Variants in HHAT observed in about 807,000 individuals in gnomAD.
HHAT encodes the protein hedgehog acyltransferase, also known as protein-cysteine N-palmitoyltransferase HHAT.
In HHAT, 47 loss-of-function variants were observed where a neutral mutation model predicts 70.8. The ratio of observed to expected loss-of-function variants is 0.66; its 90% CI spans 0.53 to 0.85. The LOEUF is 0.85. HHAT is among the 40% of genes least tolerant of loss of function. HHAT has a pLI of 0.00. For synonymous variants in HHAT, 228 were observed against 247.6 expected, an observed-to-expected ratio of 0.92 and a Z score of 0.74; for missense variants, 609 against 604.8, an observed-to-expected ratio of 1.01 and a Z score of -0.07.
At chr1:210,566,025 C>T (rs1654650170) in intron 9 of HHAT, among the ~76,000 whole-genome samples, 1 of 152,110 alleles carries the variant, frequency 6.6e-6, no homozygotes, top group Admixed American at 6.5e-5. Context: ...GAGTTTCTAC[C>T]AGATTTGAGT....
intron 1 of HHAT, among the ~76,000 whole-genome samples, chr1:210,338,184 T>TA (rs10718306): frequency 0.26 from 39,020 of 149,914 alleles, 5,460 homozygotes; most frequent in South Asian, 0.34. Context: ...CGCCCCCATT[T>TA]AAAAAAAAAA....
In HHAT at chr1:210,588,036, G is replaced by A; in HGVS notation, c.1182G>A (p.Leu394=). The A allele has an allele frequency of 1.2e-6, 2 of 1,613,854 alleles. No individual in the cohort carries two copies. Among genetic ancestry groups the A allele is most frequent in the Non-Finnish European group, 1.7e-6 (2 of 1,179,954 alleles). The part of the protein sequence containing the change: ...YLWCWAALNW[L]GVTVENGVRR... ...GGTGCTGGGCAGCGCTCAACTGGCTGGGAGTCACTGTGGAGAATGGAGTCC... is the reference window on the plus strand; with the variant it reads ...GGTGCTGGGCAGCGCTCAACTGGCTAGGAGTCACTGTGGAGAATGGAGTCC... The change falls in exon 10 of 12, where the codon CTG becomes CTA. Residue 394 remains leucine, a synonymous_variant. Transcript: ENST00000261458.
intron 10 of HHAT, among the ~76,000 whole-genome samples, chr1:210,617,793 A>G (rs1434497514): frequency 1.3e-5 from 2 of 152,226 alleles, no homozygotes; most frequent in Admixed American, 1.3e-4. Flanking sequence ...AGGAGTATGC[A>G]CACAGAGTTC....
chr1:210,672,730 C>T (rs1449342857), intron 11 of HHAT, among the ~76,000 whole-genome samples: 1 of 152,036 alleles, frequency 6.6e-6, no homozygotes, highest in Non-Finnish European at 1.5e-5. Flanking sequence ...AAATACTCAG[C>T]AGAAAGGGCT....
At chr1:210,451,753 A>T (rs764357980) in intron 7 of HHAT, among the ~76,000 whole-genome samples, 2 of 152,068 alleles carry the variant, frequency 1.3e-5, no homozygotes, top group African/African-American at 4.8e-5. Context: ...TAATTTTTAA[A>T]TTTTTTATAG....
At chr1:210,507,891 C>T (rs1572915642) in intron 8 of HHAT, among the ~76,000 whole-genome samples, 1 of 151,846 alleles carries the variant, frequency 6.6e-6, no homozygotes, top group East Asian at 1.9e-4. Flanking sequence ...TTTAATCATT[C>T]CACATTATGT....
intron 7 of HHAT, among the ~76,000 whole-genome samples, chr1:210,454,586 T>C: frequency 6.6e-6 from 1 of 152,160 alleles, no homozygotes; most frequent in East Asian, 1.9e-4. Context: ...CCACATTATT[T>C]CATTAAGTCT....
chr1:210,451,803 T>C (rs2093761485), intron 7 of HHAT, among the ~76,000 whole-genome samples: 1 of 152,208 alleles, frequency 6.6e-6, no homozygotes, highest in Non-Finnish European at 1.5e-5. Flanking sequence ...GGTCTCCAAC[T>C]CTTGGTCTCC....
At chr1:210,498,363 A>G (rs1244740760) in intron 8 of HHAT, among the ~76,000 whole-genome samples, 1 of 152,224 alleles carries the variant, frequency 6.6e-6, no homozygotes, top group African/African-American at 2.4e-5. Flanking sequence ...TTGAATTAAG[A>G]TTGATTTTTA....
intron 10 of HHAT, among the ~76,000 whole-genome samples, chr1:210,595,299 C>A (rs989839544): frequency 1.1e-4 from 16 of 152,160 alleles, no homozygotes; most frequent in Non-Finnish European, 4.4e-5. Flanking sequence ...ATGAACTCAT[C>A]ATTTTTTATG....
At chr1:210,499,876 A>G (rs2094720770) in intron 8 of HHAT, among the ~76,000 whole-genome samples, 1 of 152,220 alleles carries the variant, frequency 6.6e-6, no homozygotes, top group Non-Finnish European at 1.5e-5. Context: ...TTAAAGCTCC[A>G]ATATATCATG....
chr1:210,337,781 G>T (rs664614), intron 1 of HHAT, among the ~76,000 whole-genome samples: 96,012 of 152,026 alleles, frequency 0.63, 32,719 homozygotes, highest in African/African-American at 0.9. Flanking sequence ...AGGCAACATA[G>T]TCACGGTTCC....
At chr1:210,617,680 A>G (rs372518069) in intron 10 of HHAT, among the ~76,000 whole-genome samples, 2 of 152,226 alleles carry the variant, frequency 1.3e-5, no homozygotes, top group Non-Finnish European at 2.9e-5. Context: ...TGGCCTCTGC[A>G]GTTTTTAAAC....
At chr1:210,447,889 G>C (rs537767706) in intron 7 of HHAT, among the ~76,000 whole-genome samples, 2 of 152,144 alleles carry the variant, frequency 1.3e-5, no homozygotes, top group Non-Finnish European at 2.9e-5. Context: ...TCAGGGTGCT[G>C]ACAGATGAGG....
In HHAT at chr1:210,409,555, G is replaced by GGAAT. The variant is rs143463047; in HGVS notation, c.684+4877_684+4880dup. Among the ~76,000 whole-genome samples the GGAAT allele has an allele frequency of 5.8e-4, 88 of 152,228 alleles. No individual in the cohort carries two copies. In the East Asian group the frequency reaches 0.016, roughly 28 times the overall value. On this transcript the variant is annotated intron_variant, in intron 6 of 11. Coordinates refer to ENST00000261458, the MANE Select transcript of HHAT (RefSeq NM_018194.6). ...GGGTATGGTCTGTGACCAGTATAAA[G>GGAAT]GAATACAACAACTGCCACAAGGCCT...
intron 11 of HHAT, among the ~76,000 whole-genome samples, chr1:210,672,741 G>A (rs1680341962): frequency 6.6e-6 from 1 of 152,228 alleles, no homozygotes; most frequent in Non-Finnish European, 1.5e-5. Flanking sequence ...AGAAAGGGCT[G>A]TTAATTTTAA....
chr1:210,448,887 C>G (rs1485368551), intron 7 of HHAT, among the ~76,000 whole-genome samples: 1 of 152,178 alleles, frequency 6.6e-6, no homozygotes, highest in East Asian at 1.9e-4. Flanking sequence ...GGGCTCAGTG[C>G]TGTCCTGAGA....
chr1:210,448,014 C>T (rs796992566), intron 7 of HHAT, among the ~76,000 whole-genome samples: 4 of 151,638 alleles, frequency 2.6e-5, no homozygotes, highest in Non-Finnish European at 4.4e-5. Context: ...GACTCCCACT[C>T]GGTAGCATAA....
chr1:210,352,011 G>A (rs1161313534), intron 2 of HHAT, among the ~76,000 whole-genome samples: 2 of 152,120 alleles, frequency 1.3e-5, no homozygotes, highest in Non-Finnish European at 1.5e-5. Context: ...CCCACATGAG[G>A]ACACTGAGGC....
Sources: allele counts gnomAD v4.1 joint callset (sites outside exome capture counted in the v4.1 genomes callset), GRCh38; gene constraint gnomAD v4.1.1; transcripts MANE v1.5; gene names NCBI Gene and HGNC (gene_info 2026-07-23, HGNC 2026-07-21).